The following VPS35L variants were observed in gnomAD, a reference collection of about 807,000 sequenced individuals.
VPS35L encodes VPS35 endosomal protein sorting factor like.
In VPS35L, 83 loss-of-function variants were observed where a neutral mutation model predicts 133.0. That is an observed-to-expected ratio of 0.62 (90% CI 0.52 to 0.75). The LOEUF (loss-of-function observed/expected upper bound fraction) is 0.75, where lower values mean the gene tolerates loss of function less well. VPS35L is among the 30% of genes least tolerant of loss of function. The pLI is 0.00. For missense variants in VPS35L, 1,083 were observed against 1,206.8 expected (o/e 0.90, Z 1.52); for synonymous variants, 423 against 449.9 (o/e 0.94, Z 0.76).
intron 8 of VPS35L, among the ~76,000 whole-genome samples, chr16:19,595,838 T>C (rs1486802900): frequency 6.6e-6 from 1 of 152,186 alleles, no homozygotes; most frequent in Admixed American, 6.5e-5. Context: ...ACAGACTGTT[T>C]AGGTGCTTTA....
chr16:19,644,876 T>C lies in VPS35L; in HGVS notation c.1866-10T>C, dbSNP rs1567450377. 1.3e-6 allele frequency: 2 copies of C among 1,575,080 alleles called. No individual in the cohort carries two copies. The highest frequency in any genetic ancestry group is 1.1e-5 in the South Asian group (1 of 87,448). The stretch of plus-strand genomic sequence containing the variant: ...CCTCCGTGTTAATTATGTACAATTA[T>C]TGATTTTAGTGCACTCACTCTTGAG... On this transcript the variant is annotated splice_polypyrimidine_tract_variant and intron_variant, in intron 22 of 30. Coordinates refer to ENST00000417362, the MANE Select transcript of VPS35L (RefSeq NM_020314.7).
intron 22 of VPS35L, 117 bp from the exon 23 acceptor site, chr16:19,644,769 A>G: frequency 1.7e-6 from 1 of 584,074 alleles, no homozygotes; most frequent in Non-Finnish European, 2.8e-6. Flanking sequence ...CAGTTTTTTA[A>G]ATCTAGAAAA....
At chr16:19,610,222 CCT>C in intron 11 of VPS35L, 98 bp from the exon 12 acceptor site, 3 of 1,000,434 alleles carry the variant, frequency 3.0e-6, no homozygotes, top group Non-Finnish European at 4.4e-6. Flanking sequence ...TTTTTCCCCC[CCT>C]CCCTGAAATT....
At chr16:19,659,525 C>G (rs1328208277) in intron 26 of VPS35L, among the ~76,000 whole-genome samples, 1 of 152,206 alleles carries the variant, frequency 6.6e-6, no homozygotes, top group Non-Finnish European at 1.5e-5. Context: ...AGCAATTAAG[C>G]ATTAATGTAT....
rs1008553578 is a variant in VPS35L at position 19,691,335 on chromosome 16, T to C, written c.2528-18T>C. The stretch of plus-strand genomic sequence containing the variant: ...CGCGGGGCTTGGGTCTGTCTCACTG[T>C]TCTTGTTTGTTCAACAGTGGACTCC... On this transcript the variant is annotated intron_variant, in intron 28 of 30. Coordinates refer to ENST00000417362, the MANE Select transcript of VPS35L (RefSeq NM_020314.7). 2.5e-5 allele frequency: 40 copies of C among 1,598,742 alleles called. No individual in the cohort carries two copies. Among genetic ancestry groups the C allele is most frequent in the Non-Finnish European group, 3.3e-5 (39 of 1,166,336 alleles).
At chr16:19,573,302 T>C (rs1971440393) in intron 4 of VPS35L, 61 bp downstream of exon 4, 1 of 1,545,058 alleles carries the variant, frequency 6.5e-7, no homozygotes, top group Non-Finnish European at 8.8e-7. Context: ...TTCTTTTTGT[T>C]ATGTTGCTTC....
chr16:19,677,316 C>G (rs1204897589), intron 27 of VPS35L, among the ~76,000 whole-genome samples: 2 of 152,076 alleles, frequency 1.3e-5, no homozygotes, highest in Non-Finnish European at 2.9e-5. Flanking sequence ...AACTCCTGAC[C>G]TCGTGATCCA....
chr16:19,686,918 T>G (rs988462357), intron 28 of VPS35L, among the ~76,000 whole-genome samples: 4 of 152,136 alleles, frequency 2.6e-5, no homozygotes, highest in Non-Finnish European at 5.9e-5. Context: ...CCCCCCTTCC[T>G]TGAGACTGGG....
intron 4 of VPS35L, among the ~76,000 whole-genome samples, chr16:19,574,326 C>T (rs1459864236): frequency 6.6e-6 from 1 of 152,166 alleles, no homozygotes; most frequent in African/African-American, 2.4e-5. Context: ...AGATGCGCCC[C>T]CTCCCATTTA....
At chr16:19,640,720 T>C (rs1281863356) in intron 21 of VPS35L, among the ~76,000 whole-genome samples, 1 of 152,230 alleles carries the variant, frequency 6.6e-6, no homozygotes, top group Non-Finnish European at 1.5e-5. Flanking sequence ...CATGAAATAA[T>C]TTTAAGGTGG....
chr16:19,565,890 A>G (rs1257363841), intron 2 of VPS35L, among the ~76,000 whole-genome samples: 1 of 152,322 alleles, frequency 6.6e-6, no homozygotes, highest in Admixed American at 6.5e-5. Flanking sequence ...ATCTTAGTCT[A>G]TCTGTGGGTT....
At chr16:19,569,638 G>C in intron 3 of VPS35L, 47 bp downstream of exon 3, 1 of 1,483,066 alleles carries the variant, frequency 6.7e-7, no homozygotes, top group Non-Finnish European at 9.0e-7. Context: ...GGTTTTGTGG[G>C]TGCAGGAATG....
chr16:19,636,464 G>A (rs1973626480), intron 19 of VPS35L, among the ~76,000 whole-genome samples: 1 of 152,114 alleles, frequency 6.6e-6, no homozygotes, highest in East Asian at 1.9e-4. Flanking sequence ...AAAATTTCTT[G>A]TTCTAAAGGG....
At chr16:19,652,123 C>T in intron 26 of VPS35L, 33 bp downstream of exon 26, 2 of 1,442,928 alleles carry the variant, frequency 1.4e-6, no homozygotes, top group Non-Finnish European at 9.6e-7. Flanking sequence ...TCGGGCACTC[C>T]CTTGCTGCTT....
At chr16:19,557,294 G>T (rs1045587051) in intron 1 of VPS35L, among the ~76,000 whole-genome samples, 3 of 152,136 alleles carry the variant, frequency 2.0e-5, no homozygotes, top group Non-Finnish European at 2.9e-5. Flanking sequence ...TCTACCTTTG[G>T]AATTTTAATT....
At chr16:19,644,986 G>A in intron 23 of VPS35L, 37 bp downstream of exon 23, 2 of 1,402,592 alleles carry the variant, frequency 1.4e-6, no homozygotes, top group Non-Finnish European at 2.0e-6. Context: ...GCACTTGGAA[G>A]TGTGATGTAA....
At chr16:19,638,066 A>G (rs1973675294) in intron 20 of VPS35L, among the ~76,000 whole-genome samples, 1 of 152,146 alleles carries the variant, frequency 6.6e-6, no homozygotes, top group African/African-American at 2.4e-5. Context: ...TCAGTGTCTG[A>G]CAGTTGAGAT....
chr16:19,644,843 A>G, intron 22 of VPS35L, 43 bp from the exon 23 acceptor site: 2 of 1,404,900 alleles, frequency 1.4e-6, no homozygotes, highest in Non-Finnish European at 2.0e-6. Flanking sequence ...AGAAACTTTC[A>G]TCTATTACCT....
chr16:19,616,098 A>G lies in VPS35L; in HGVS notation c.1024-16A>G. 6.2e-7 allele frequency: 1 copy of G among 1,607,732 alleles called. No individual in the cohort carries two copies. Among genetic ancestry groups the G allele is most frequent in the Non-Finnish European group, 8.5e-7 (1 of 1,175,598 alleles). On this transcript the variant is annotated splice_polypyrimidine_tract_variant and intron_variant, in intron 12 of 30. Transcript: ENST00000417362. ...GTCATTATTTGCAACCAGTTTTTCC[A>G]TTTGTCTGGCTGCAGGTGGGAATGG...
Sources: allele counts gnomAD v4.1 joint callset (sites outside exome capture counted in the v4.1 genomes callset), GRCh38; gene constraint gnomAD v4.1.1; transcripts MANE v1.5; gene names NCBI Gene and HGNC (gene_info 2026-07-23, HGNC 2026-07-21).